Variants in SDHD observed in about 807,000 individuals in gnomAD.
The protein encoded by SDHD is succinate dehydrogenase [ubiquinone] cytochrome b small subunit, mitochondrial.
In SDHD, 6 loss-of-function variants were observed where a neutral mutation model predicts 18.7. The observed-to-expected ratio is 0.32, with a 90% CI of 0.18 to 0.63. SDHD has a LOEUF of 0.63. Among genes scored for constraint, SDHD ranks in the 30% least tolerant of loss-of-function variants. The pLI, the probability that SDHD is intolerant of heterozygous loss-of-function variation, is 0.79. For synonymous variants in SDHD, 56 were observed against 73.9 expected, an observed-to-expected ratio of 0.76 and a Z score of 1.24; for missense variants, 160 against 192.7, an observed-to-expected ratio of 0.83 and a Z score of 1.00.
chr11:112,088,415 TCTCAAACTCCTGACCTC>T (rs1310959029), intron 2 of SDHD: 5 of 333,864 alleles, frequency 1.5e-5, no homozygotes, highest in Admixed American at 4.4e-5. Context: ...GCCGGGCTGG[TCTCAAACTCCTGACCTC>T]CTCAAACTCC....
chr11:112,093,093 G>T, intron 3 of SDHD: 1 of 310,968 alleles, frequency 3.2e-6, no homozygotes, highest in Non-Finnish European at 6.5e-6. Context: ...GGAGTGCAAT[G>T]GTGCGATCTT....
intron 3 of SDHD, chr11:112,091,047 G>A: frequency 1.1e-6 from 1 of 932,488 alleles, no homozygotes; most frequent in Non-Finnish European, 1.3e-6. Context: ...AGAATGAGTT[G>A]TTGTTGTTGA....
chr11:112,089,127 T>A, intron 3 of SDHD, 116 bp downstream of exon 3: 1 of 1,000,328 alleles, frequency 1.0e-6, no homozygotes, highest in Non-Finnish European at 1.5e-6. Flanking sequence ...GTTGAAAACT[T>A]TAAAATATAT....
intron 3 of SDHD, 101 bp downstream of exon 3, chr11:112,089,112 A>C (rs1865697413): frequency 3.1e-6 from 4 of 1,295,790 alleles, no homozygotes; most frequent in African/African-American, 3.0e-5. Flanking sequence ...AAATGCCCTA[A>C]ATTTGTTGAA....
intron 3 of SDHD, among the ~76,000 whole-genome samples, chr11:112,092,766 G>A (rs1175930805): frequency 6.6e-6 from 1 of 152,172 alleles, no homozygotes; most frequent in African/African-American, 2.4e-5. Flanking sequence ...CTACTTTTAG[G>A]TGTATACCCA....
In SDHD at chr11:112,086,977, C is replaced by A; in HGVS notation, c.52+18C>A. The A allele has an allele frequency of 1.2e-6, 2 of 1,613,932 alleles. No individual in the cohort carries two copies. Among genetic ancestry groups the A allele is most frequent in the East Asian group, 2.2e-5 (1 of 44,870 alleles). On this transcript the variant is annotated intron_variant, in intron 1 of 3. Coordinates refer to ENST00000375549, the MANE Select transcript of SDHD (RefSeq NM_003002.4). ...AGGCCGAGGTGAGGGGTCTTCCCACCCTGAGGTGCTTAGCGTAGCCTCCAG... is the reference window on the plus strand; with the variant it reads ...AGGCCGAGGTGAGGGGTCTTCCCACACTGAGGTGCTTAGCGTAGCCTCCAG...
chr11:112,091,465 C>G (rs1240905813), intron 3 of SDHD, among the ~76,000 whole-genome samples: 1 of 152,176 alleles, frequency 6.6e-6, no homozygotes, highest in Non-Finnish European at 1.5e-5. Context: ...ACAAAATCTC[C>G]AGGGCTGAGT....
chr11:112,093,070 T>G lies in SDHD; in HGVS notation c.315-1735T>G, dbSNP rs528255095. ...TTTTTTTGAGACAGAGTTTTGCTCT[T>G]GTCGCTCAGGCTGGAGTGCAATGGT... is the stretch of plus-strand genomic sequence containing the variant. On this transcript the variant is annotated intron_variant, in intron 3 of 3. Coordinates refer to ENST00000375549, the MANE Select transcript of SDHD (RefSeq NM_003002.4). 36 of 214,592 alleles carry G rather than the reference T, an allele frequency of 1.7e-4. No homozygotes were observed. Among genetic ancestry groups the G allele is most frequent in the African/African-American group, 7.6e-4 (31 of 40,912 alleles). The allele number at this position is 214,592 out of a possible 1,614,324, so 13.3% of individuals were successfully genotyped here.
chr11:112,094,850 G>A lies in SDHD; in HGVS notation c.360G>A (p.Leu120=), dbSNP rs1185790906. The change falls in exon 4 of 4, where the codon TTG becomes TTA. Residue 120 remains leucine (L), a synonymous_variant. Coordinates refer to ENST00000375549, the MANE Select transcript of SDHD (RefSeq NM_003002.4). ...VVTDYVHGDA[L]QKAAKAGLLA... is the part of the protein sequence containing the mutation. ...CTGACTATGTTCATGGGGATGCCTT[G>A]CAGAAAGCTGCCAAGGCAGGGCTTT... 6.2e-7 allele frequency: 1 copy of A among 1,611,980 alleles called. No homozygotes were observed.
intron 2 of SDHD, 136 bp from the exon 3 acceptor site, chr11:112,088,731 A>G: frequency 1.0e-6 from 1 of 979,558 alleles, no homozygotes; most frequent in Non-Finnish European, 1.6e-6. Context: ...CTATTTTGAT[A>G]TTTTACTTCC....
Position 112,089,019 on chromosome 11 carries a change from T to C in SDHD, c.314+8T>C, listed in dbSNP as rs199645781. The C allele has an allele frequency of 3.7e-6, 6 of 1,614,134 alleles. No homozygotes were observed. Among genetic ancestry groups the C allele is most frequent in the Admixed American group, 1.7e-5 (1 of 60,026 alleles). ...CACTCTTCATGGTCACTGGCAAGTA[T>C]AGCAATTCCAAATATAGTTGTCTGC... On this transcript the variant is annotated splice_region_variant and intron_variant, in intron 3 of 3. Coordinates refer to ENST00000375549, the MANE Select transcript of SDHD (RefSeq NM_003002.4).
chr11:112,090,872 T>A lies in SDHD; in HGVS notation c.314+1861T>A, dbSNP rs1350322523. 2.6e-5 allele frequency among the ~76,000 whole-genome samples: 4 copies of A among 152,058 alleles called. No individual in the cohort carries two copies. The East Asian group carries it at 7.7e-4, about 29-fold the overall frequency. On this transcript the variant is annotated intron_variant, in intron 3 of 3. Coordinates refer to ENST00000375549, the MANE Select transcript of SDHD (RefSeq NM_003002.4). Reference sequence around the variant, plus strand: ...CAGCACACCTGGCTCAGTTTTGTATTTTAAATCGAGACGGGGTTTCACCAT... The same window carrying A: ...CAGCACACCTGGCTCAGTTTTGTATATTAAATCGAGACGGGGTTTCACCAT...
At chr11:112,088,192 T>C (rs946469093) in intron 2 of SDHD, 2 of 582,662 alleles carry the variant, frequency 3.4e-6, no homozygotes, top group East Asian at 2.9e-5. Context: ...CTTTACAAAT[T>C]TTTTTCTTTT....
At chr11:112,088,773 C>G (rs772241591) in intron 2 of SDHD, 94 bp from the exon 3 acceptor site, 96 of 1,332,964 alleles carry the variant, frequency 7.2e-5, no homozygotes, top group Non-Finnish European at 9.9e-5. Context: ...TATATGTACA[C>G]TGCCTGTCAG....
intron 3 of SDHD, among the ~76,000 whole-genome samples, chr11:112,092,912 A>G (rs914711260): frequency 2.0e-5 from 3 of 152,198 alleles, no homozygotes; most frequent in Non-Finnish European, 4.4e-5. Context: ...TGGTGTATTC[A>G]TACAATAGAA....
intron 3 of SDHD, among the ~76,000 whole-genome samples, chr11:112,090,093 C>CTGTT (rs534844121): frequency 1.5e-4 from 20 of 134,092 alleles, no homozygotes; most frequent in South Asian, 1.3e-3. Context: ...CATCCAGCGC[C>CTGTT]TGTTTGTTTG....
chr11:112,088,983 G>A lies in SDHD; in HGVS notation c.286G>A (p.Ala96Thr), dbSNP rs1265437700. 6.2e-7 allele frequency: 1 copy of A among 1,614,132 alleles called. No homozygotes were observed. Among genetic ancestry groups the A allele is most frequent in the East Asian group, 2.2e-5 (1 of 44,884 alleles). The change falls in exon 3 of 4, where the codon GCT (alanine) becomes ACT (threonine). Residue 96 changes from alanine to threonine, a missense_variant. Coordinates refer to ENST00000375549, the MANE Select transcript of SDHD (RefSeq NM_003002.4). Reference protein sequence around the residue: ...NPCSAMDYSLAAALTLHGHWG... With the variant: ...NPCSAMDYSLTAALTLHGHWG... ...TTGCTCTGCGATGGACTATTCCCTGGCTGCAGCCCTCACTCTTCATGGTCA... is the reference window on the plus strand; with the variant it reads ...TTGCTCTGCGATGGACTATTCCCTGACTGCAGCCCTCACTCTTCATGGTCA...
chr11:112,090,902 T>G (rs998000290), intron 3 of SDHD, among the ~76,000 whole-genome samples: 3 of 151,974 alleles, frequency 2.0e-5, no homozygotes, highest in Admixed American at 6.6e-5. Context: ...CACCATGTTG[T>G]CCAGGCTGGT....
chr11:112,089,517 G>C (rs1865705874), intron 3 of SDHD, among the ~76,000 whole-genome samples: 1 of 152,160 alleles, frequency 6.6e-6, no homozygotes, highest in Non-Finnish European at 1.5e-5. Context: ...AGAATTCTTA[G>C]GGTTGTCTGT....
Sources: gnomAD v4.1 joint callset for allele counts (sites outside exome capture counted in the v4.1 genomes callset) on GRCh38, gnomAD v4.1.1 for gene constraint, MANE v1.5 for transcripts, NCBI Gene and HGNC (gene_info 2026-07-23, HGNC 2026-07-21) for gene names.